Variants in ALB observed in about 807,000 individuals in gnomAD.
ALB encodes the protein serum albumin.
In ALB, 37 loss-of-function variants were observed where a neutral mutation model predicts 74.5. That is an observed-to-expected ratio of 0.50 (90% CI 0.38 to 0.65). The LOEUF is 0.65. Ranked by LOEUF, ALB falls within the 30% of genes least tolerant of loss-of-function variation. ALB has a pLI of 0.00. For missense variants in ALB, 685 were observed against 718.7 expected (o/e 0.95, Z 0.54); for synonymous variants, 249 against 251.6 (o/e 0.99, Z 0.10).
intron 10 of ALB, among the ~76,000 whole-genome samples, chr4:73,416,805 G>A (rs916127099): frequency 3.9e-5 from 6 of 152,164 alleles, no homozygotes; most frequent in Admixed American, 3.9e-4. Context: ...TTTGGGAGAT[G>A]CACCTAGTCT....
In ALB at chr4:73,421,409, C is replaced by T. The variant is rs369015459; in HGVS notation, c.*341C>T. 2.7e-5 allele frequency: 7 copies of T among 255,926 alleles called. No homozygotes were observed. Among genetic ancestry groups the T allele is most frequent in the East Asian group, 2.7e-4 (4 of 14,994 alleles). 15.9% of individuals were successfully genotyped at this position (255,926 alleles called of 1,614,324 possible). On this transcript the variant is annotated 3_prime_UTR_variant, in exon 15 of 15. Transcript: ENST00000295897. Reference sequence around the variant, plus strand: ...AATTAAATAAATCATTAATACTCTTCTAAGTTATGGATTATAAACATTCAA... The same window carrying T: ...AATTAAATAAATCATTAATACTCTTTTAAGTTATGGATTATAAACATTCAA...
rs1718982046 is a variant in ALB at position 73,415,151 on chromosome 4, A to G, written c.1175A>G (p.Glu392Gly). 1.2e-6 allele frequency: 2 copies of G among 1,614,156 alleles called. No homozygotes were observed. The highest frequency in any genetic ancestry group is 1.7e-6 in the Non-Finnish European group (2 of 1,180,020). Residue 392 changes from glutamate to glycine, a missense_variant, in exon 9 of 15, where the codon GAA (glutamate) becomes GGA (glycine). Physicochemically the swap from Glu to Gly is moderately conservative, Grantham distance 98. Transcript: ENST00000295897. ...EKCCAAADPH[E>G]CYAKVFDEFK... is the part of the protein sequence containing the mutation. ...TGCTGTGCCGCTGCAGATCCTCATG[A>G]ATGCTATGCCAAAGTGGTAGGTTTA...
intron 2 of ALB, among the ~76,000 whole-genome samples, chr4:73,405,690 A>G (rs1003749133): frequency 1.3e-5 from 2 of 151,510 alleles, no homozygotes; most frequent in Non-Finnish European, 2.9e-5. Context: ...TCCCGGGTTC[A>G]CGCCATTCTC....
rs1159365511 is a variant in ALB, at chr4:73,408,703, T to G, written c.380T>G (p.Leu127Trp). 6.2e-7 allele frequency: 1 copy of G among 1,614,068 alleles called. No individual in the cohort carries two copies. The highest frequency in any genetic ancestry group is 2.2e-5 in the East Asian group (1 of 44,872). ...GAACCTGAGAGAAATGAATGCTTCT[T>G]GCAACACAAAGATGACAACCCAAAC... is the stretch of plus-strand genomic sequence containing the variant. ...KQEPERNECFLQHKDDNPNLP... is the reference protein window; with the variant it reads ...KQEPERNECFWQHKDDNPNLP... Residue 127 changes from leucine (L) to tryptophan (W), a missense_variant, in exon 4 of 15, where the codon TTG (leucine) becomes TGG (tryptophan). Leu to Trp is a moderately conservative substitution (Grantham distance 61). Coordinates refer to ENST00000295897, the MANE Select transcript of ALB (RefSeq NM_000477.7).
In ALB at chr4:73,410,420, T is replaced by C. The variant is rs749181890; in HGVS notation, c.713+11T>C. 7.1e-6 allele frequency: 11 copies of C among 1,551,060 alleles called. No homozygotes were observed. Among genetic ancestry groups the C allele is most frequent in the South Asian group, 1.1e-5 (1 of 89,796 alleles). Reference sequence around the variant, plus strand: ...AGCTTTCAAAGCATGGTAAATACTTTTAAACATAGTTGGCATCTTTATAAC... The same window carrying C: ...AGCTTTCAAAGCATGGTAAATACTTCTAAACATAGTTGGCATCTTTATAAC... On this transcript the variant is annotated intron_variant, in intron 6 of 14. Transcript: ENST00000295897.
At chr4:73,420,393 T>A (rs1719114688) in intron 14 of ALB, 72 bp downstream of exon 14, 2 of 1,059,604 alleles carry the variant, frequency 1.9e-6, no homozygotes, top group African/African-American at 1.6e-5. Context: ...ATTGACCATT[T>A]CCAAGAGCCA....
chr4:73,420,150 A>C lies in ALB; in HGVS notation c.1786-104A>C, dbSNP rs889035525. 3 of 978,124 alleles carry C rather than the reference A, an allele frequency of 3.1e-6. No homozygotes were observed. The South Asian group carries it at 4.1e-5, about 14-fold the overall frequency. The allele number at this position is 978,124 out of a possible 1,614,324, so 60.6% of individuals were successfully genotyped here. A position where few individuals can be genotyped will look rare whatever the true frequency, so the allele number is the denominator to read the frequency against. On this transcript the variant is annotated intron_variant, in intron 13 of 14. Coordinates refer to ENST00000295897, the MANE Select transcript of ALB (RefSeq NM_000477.7). ...AAATTGTAATTAAAGGATATGATGC[A>C]CGTGAAATCACTTTGCAATCATCAA...
Position 73,418,311 on chromosome 4 carries a change from C to A in ALB, c.1652C>A (p.Thr551Asn), listed in dbSNP as rs149079814. 9 of 1,610,360 alleles carry A rather than the reference C, an allele frequency of 5.6e-6. No individual in the cohort carries two copies. Among genetic ancestry groups the A allele is most frequent in the Non-Finnish European group, 7.6e-6 (9 of 1,177,456 alleles). ...AAGGAGAGACAAATCAAGAAACAAA[C>A]GTGAGGAGTATTTCATTACTGCATG... ...SEKERQIKKQ[T>N]ALVELVKHKP... Residue 551 changes from threonine to asparagine, a missense_variant and splice_region_variant, in exon 12 of 15, where the codon ACT (threonine) becomes AAT (asparagine). Physicochemically the swap from Thr to Asn is moderately conservative, Grantham distance 65. Coordinates refer to ENST00000295897, the MANE Select transcript of ALB (RefSeq NM_000477.7).
At chr4:73,418,396 G>A in intron 12 of ALB, 85 bp downstream of exon 12, 6 of 1,196,464 alleles carry the variant, frequency 5.0e-6, no homozygotes, top group Admixed American at 1.9e-5. Flanking sequence ...TCCTGAAGTA[G>A]TGATTATATT....
chr4:73,405,691 C>G (rs896548785), intron 2 of ALB, among the ~76,000 whole-genome samples: 2 of 151,728 alleles, frequency 1.3e-5, no homozygotes, highest in African/African-American at 2.4e-5. Context: ...CCCGGGTTCA[C>G]GCCATTCTCC....
intron 4 of ALB, 161 bp from the exon 5 acceptor site, chr4:73,409,190 ATACT>A (rs1718806380): frequency 2.7e-6 from 2 of 753,822 alleles, no homozygotes; most frequent in East Asian, 2.7e-5. Flanking sequence ...TTTTTTCCAC[ATACT>A]TAAAGAATGA....
At chr4:73,408,516 T>G (rs1270238243) in intron 3 of ALB, 78 bp from the exon 4 acceptor site, 74 of 1,288,204 alleles carry the variant, frequency 5.7e-5, no homozygotes, top group Non-Finnish European at 4.2e-5. Context: ...ACCAGTATAT[T>G]AAATCCTTTG....
In ALB at chr4:73,405,270, C is replaced by G. The variant is rs907514794; in HGVS notation, c.137+97C>G. On this transcript the variant is annotated intron_variant, in intron 2 of 14. Coordinates refer to ENST00000295897, the MANE Select transcript of ALB (RefSeq NM_000477.7). Reference sequence around the variant, plus strand: ...TTTCCTTGTCATCAGGGTTCAGATTCTAAAACAGTGCTGCCTCGTAGAGTT... The same window carrying G: ...TTTCCTTGTCATCAGGGTTCAGATTGTAAAACAGTGCTGCCTCGTAGAGTT... The G allele has an allele frequency of 9.2e-5, 98 of 1,064,300 alleles. No individual in the cohort carries two copies. In the East Asian group the frequency reaches 2.3e-3, roughly 25 times the overall value. The allele number at this position is 1,064,300 out of a possible 1,614,324, so 65.9% of individuals were successfully genotyped here.
At chr4:73,419,970 G>A (rs1719105707) in intron 13 of ALB, among the ~76,000 whole-genome samples, 1 of 152,112 alleles carries the variant, frequency 6.6e-6, no homozygotes, top group South Asian at 2.1e-4. Flanking sequence ...GAAATGTGGT[G>A]GTTTGTGATT....
rs1419140869 is a variant in ALB, at chr4:73,418,122, A to G, written c.1463A>G (p.His488Arg). The change falls in exon 12 of 15, where the codon CAT becomes CGT. Residue 488 changes from histidine to arginine, a missense_variant. His to Arg is a conservative substitution (Grantham distance 29). Transcript: ENST00000295897. ...SVVLNQLCVL[H>R]EKTPVSDRVT... is the part of the protein sequence containing the mutation. Reference sequence around the variant, plus strand: ...GTCCTGAACCAGTTATGTGTGTTGCATGAGAAAACGCCAGTAAGTGACAGA... The same window carrying G: ...GTCCTGAACCAGTTATGTGTGTTGCGTGAGAAAACGCCAGTAAGTGACAGA... 1.9e-6 allele frequency: 3 copies of G among 1,614,176 alleles called. No homozygotes were observed. The highest frequency in any genetic ancestry group is 2.5e-6 in the Non-Finnish European group (3 of 1,180,026).
At chr4:73,404,658 C>A (rs1718674207) in intron 1 of ALB, among the ~76,000 whole-genome samples, 1 of 151,260 alleles carries the variant, frequency 6.6e-6, no homozygotes, top group African/African-American at 2.4e-5. Flanking sequence ...TGCAAAGTAA[C>A]TTAGAGTGAC....
intron 11 of ALB, 45 bp from the exon 12 acceptor site, chr4:73,418,043 C>T (rs1321206867): frequency 6.3e-7 from 1 of 1,588,562 alleles, no homozygotes; most frequent in Non-Finnish European, 8.6e-7. Context: ...AGAAAATTTT[C>T]AGCTTCACCT....
In ALB at chr4:73,414,971, A is replaced by G. The variant is rs137959288; in HGVS notation, c.1059-64A>G. The G allele has an allele frequency of 1.3e-5, 21 of 1,582,174 alleles. No individual in the cohort carries two copies. The East Asian group carries it at 4.5e-4, about 34-fold the overall frequency. On this transcript the variant is annotated intron_variant, in intron 8 of 14. Coordinates refer to ENST00000295897, the MANE Select transcript of ALB (RefSeq NM_000477.7). ...TGGAATATGAGTTACTTTTGAGATT[A>G]GCTTTGTGATATTTTTTGTGCTCAT...
At chr4:73,418,920 C>T (rs1368025944) in intron 12 of ALB, among the ~76,000 whole-genome samples, 1 of 152,134 alleles carries the variant, frequency 6.6e-6, no homozygotes, top group Non-Finnish European at 1.5e-5. Context: ...AAATCTCTCC[C>T]TGGCATTGTT....
Sources: gnomAD v4.1 joint callset for allele counts (sites outside exome capture counted in the v4.1 genomes callset) on GRCh38, gnomAD v4.1.1 for gene constraint, MANE v1.5 for transcripts, NCBI Gene and HGNC (gene_info 2026-07-23, HGNC 2026-07-21) for gene names.